LRRC4C: variants seen among roughly 807,000 people sequenced by gnomAD.
LRRC4C encodes leucine rich repeat containing 4C.
LRRC4C carries 5 observed loss-of-function variants against 33.6 expected under a neutral mutation model. The observed-to-expected ratio is 0.15, with a 90% CI of 0.08 to 0.31. LRRC4C has a LOEUF of 0.31. LRRC4C is among the 10% of genes least tolerant of loss of function. The pLI, the probability that LRRC4C is intolerant of heterozygous loss-of-function variation, is 1.00. For synonymous variants in LRRC4C, 329 were observed against 302.0 expected (o/e 1.09, Z -0.93); for missense variants, 560 against 796.7 (o/e 0.70, Z 3.58).
chr11:40,172,735 T>G (rs1309899256), intron 5 of LRRC4C, among the ~76,000 whole-genome samples: 1 of 152,104 alleles, frequency 6.6e-6, no homozygotes, highest in Non-Finnish European at 1.5e-5. Context: ...CTGTGTCACC[T>G]CATTTAATGG....
At chr11:40,976,661 T>C (rs765363971) in intron 1 of LRRC4C, among the ~76,000 whole-genome samples, 12 of 152,214 alleles carry the variant, frequency 7.9e-5, no homozygotes, top group Non-Finnish European at 1.6e-4. Context: ...AGAGGTTTTC[T>C]ACAGTGTTTT....
chr11:40,286,186 GTTTAA>G (rs1943825913), intron 4 of LRRC4C, among the ~76,000 whole-genome samples: 1 of 152,040 alleles, frequency 6.6e-6, no homozygotes, highest in Non-Finnish European at 1.5e-5. Flanking sequence ...GTATGACAAA[GTTTAA>G]TTTATGCATT....
chr11:40,308,626 A>C (rs1340648032), intron 4 of LRRC4C, among the ~76,000 whole-genome samples: 4 of 152,150 alleles, frequency 2.6e-5, no homozygotes, highest in Non-Finnish European at 5.9e-5. Flanking sequence ...TGGGCAAGTG[A>C]CTCAAGCCAA....
intron 1 of LRRC4C, among the ~76,000 whole-genome samples, chr11:41,290,562 T>C (rs1949963323): frequency 6.6e-6 from 1 of 152,130 alleles, no homozygotes; most frequent in Admixed American, 6.6e-5. Context: ...TCAAGATGTG[T>C]TCCAAGTTCA....
intron 3 of LRRC4C, among the ~76,000 whole-genome samples, chr11:40,417,405 C>T (rs527375774): frequency 5.4e-4 from 82 of 152,184 alleles, no homozygotes; most frequent in African/African-American, 1.9e-3. Context: ...GATCCCGGCT[C>T]ACTGCAACCT....
intron 1 of LRRC4C, among the ~76,000 whole-genome samples, chr11:41,237,345 A>T (rs1197224637): frequency 6.6e-6 from 1 of 152,194 alleles, no homozygotes; most frequent in East Asian, 1.9e-4. Flanking sequence ...GCCCAGGTAT[A>T]GGATACTAAA....
At chr11:40,893,121 G>A (rs186655091) in intron 2 of LRRC4C, among the ~76,000 whole-genome samples, 13 of 151,918 alleles carry the variant, frequency 8.6e-5, no homozygotes, top group East Asian at 1.9e-4. Context: ...AATAAGCCAC[G>A]CACACAAAAA....
At chr11:40,577,757 C>T (rs558247381) in intron 3 of LRRC4C, among the ~76,000 whole-genome samples, 2 of 151,922 alleles carry the variant, frequency 1.3e-5, no homozygotes, top group African/African-American at 4.8e-5. Flanking sequence ...CGTAACGCTG[C>T]TATTGAGAAG....
intron 1 of LRRC4C, among the ~76,000 whole-genome samples, chr11:41,046,107 T>C (rs1447842114): frequency 1.3e-5 from 2 of 152,196 alleles, no homozygotes; most frequent in African/African-American, 2.4e-5. Context: ...TTTCAAAAGC[T>C]TGTATGCTTA....
At chr11:41,242,853 T>C (rs1341984025) in intron 1 of LRRC4C, among the ~76,000 whole-genome samples, 1 of 152,322 alleles carries the variant, frequency 6.6e-6, no homozygotes, top group Middle Eastern at 3.4e-3. Context: ...CTGGGTATCT[T>C]AATAGCTATT....
At chr11:41,277,561 C>T (rs1949523224) in intron 1 of LRRC4C, among the ~76,000 whole-genome samples, 1 of 152,076 alleles carries the variant, frequency 6.6e-6, no homozygotes, top group African/African-American at 2.4e-5. Context: ...CTTTGATGTA[C>T]TTACCAGGTC....
chr11:40,765,051 C>A (rs945875731), intron 2 of LRRC4C, among the ~76,000 whole-genome samples: 1 of 152,132 alleles, frequency 6.6e-6, no homozygotes, highest in Non-Finnish European at 1.5e-5. Context: ...TCACCAGCAG[C>A]AAGACCATCC....
At chr11:40,338,527 T>C (rs893961002) in intron 3 of LRRC4C, among the ~76,000 whole-genome samples, 2 of 152,200 alleles carry the variant, frequency 1.3e-5, no homozygotes, top group African/African-American at 4.8e-5. Context: ...TAAGTTTTAA[T>C]CTGATATGAT....
At chr11:40,303,023 A>G (rs1258740642) in intron 4 of LRRC4C, among the ~76,000 whole-genome samples, 1 of 152,034 alleles carries the variant, frequency 6.6e-6, no homozygotes, top group Non-Finnish European at 1.5e-5. Context: ...AAGAATTATT[A>G]TTTTTTTCTT....
chr11:40,367,777 T>C (rs1948275773), intron 3 of LRRC4C, among the ~76,000 whole-genome samples: 1 of 152,170 alleles, frequency 6.6e-6, no homozygotes, highest in Non-Finnish European at 1.5e-5. Context: ...CCTTCTCTGC[T>C]TTCCTTTTCT....
intron 1 of LRRC4C, among the ~76,000 whole-genome samples, chr11:41,130,274 C>T (rs1942950266): frequency 6.6e-6 from 1 of 151,920 alleles, no homozygotes; most frequent in Non-Finnish European, 1.5e-5. Flanking sequence ...TTAAAAGTAT[C>T]CATTTCTGTC....
intron 1 of LRRC4C, among the ~76,000 whole-genome samples, chr11:41,230,925 C>T (rs76923466): frequency 1.4e-5 from 2 of 142,836 alleles, no homozygotes; most frequent in Non-Finnish European, 3.1e-5. Flanking sequence ...AAAAAAAAAC[C>T]AAACAACCCC....
chr11:41,305,832 C>G (rs1273924065), intron 1 of LRRC4C, among the ~76,000 whole-genome samples: 1 of 131,944 alleles, frequency 7.6e-6, no homozygotes, highest in East Asian at 2.2e-4. Flanking sequence ...ATCTGCTGAC[C>G]TTCCCTCCAC....
intron 3 of LRRC4C, among the ~76,000 whole-genome samples, chr11:40,420,739 TCATGAGTGTTGGAGC>T (rs1230730536): frequency 1.6e-4 from 24 of 152,320 alleles, no homozygotes; most frequent in African/African-American, 5.8e-4. Context: ...GCTTGCCAGC[TCATGAGTGTTGGAGC>T]CAGAATTTTG....
Sources: allele counts gnomAD v4.1 joint callset (sites outside exome capture counted in the v4.1 genomes callset), GRCh38; gene constraint gnomAD v4.1.1; transcripts MANE v1.5; gene names NCBI Gene and HGNC (gene_info 2026-07-23, HGNC 2026-07-21).